Variants in DOK6 observed in about 807,000 individuals in gnomAD.
The protein encoded by DOK6 is downstream of tyrosine kinase 6.
DOK6 carries 22 observed loss-of-function variants against 44.0 expected under a neutral mutation model. That is an observed-to-expected ratio of 0.50 (90% CI 0.36 to 0.71). DOK6 has a LOEUF of 0.71. Among genes scored for constraint, DOK6 ranks in the 30% least tolerant of loss-of-function variants. The pLI is 0.00. For synonymous variants in DOK6, 166 were observed against 145.5 expected (o/e 1.14, Z -1.01); for missense variants, 340 against 416.4 (o/e 0.82, Z 1.60).
chr18:69,518,893 C>T (rs1545249), intron 1 of DOK6, among the ~76,000 whole-genome samples: 92,272 of 151,724 alleles, frequency 0.61, 28,856 homozygotes, highest in Non-Finnish European at 0.69. Context: ...AATCTTACCA[C>T]TGACAAACCT....
intron 3 of DOK6, among the ~76,000 whole-genome samples, chr18:69,625,352 T>G (rs1410136682): frequency 6.6e-6 from 1 of 152,182 alleles, no homozygotes; most frequent in African/African-American, 2.4e-5. Flanking sequence ...TATGGTTTGC[T>G]TAGGTTCTCT....
chr18:69,800,359 T>C (rs1015699135), intron 7 of DOK6, among the ~76,000 whole-genome samples: 3 of 152,148 alleles, frequency 2.0e-5, no homozygotes, highest in Non-Finnish European at 4.4e-5. Context: ...TGCGCTTATT[T>C]TGTTTCTTTT....
chr18:69,691,389 C>G (rs777213050), intron 4 of DOK6, among the ~76,000 whole-genome samples: 5 of 151,346 alleles, frequency 3.3e-5, no homozygotes, highest in Non-Finnish European at 5.9e-5. Context: ...TCACCCCTCT[C>G]AAGCCCCATG....
intron 4 of DOK6, among the ~76,000 whole-genome samples, chr18:69,696,068 TAGAGAC>T (rs1354016707): frequency 6.6e-6 from 1 of 152,164 alleles, no homozygotes; most frequent in African/African-American, 2.4e-5. Flanking sequence ...TACATAGCGA[TAGAGAC>T]AGAGACGGAG....
At chr18:69,670,495 A>C (rs2144679648) in intron 3 of DOK6, among the ~76,000 whole-genome samples, 1 of 146,406 alleles carries the variant, frequency 6.8e-6, no homozygotes, top group Admixed American at 7.3e-5. Context: ...AGAAACCTAA[A>C]AAACTTGTGC....
intron 1 of DOK6, among the ~76,000 whole-genome samples, chr18:69,547,533 T>A (rs1982440032): frequency 6.6e-6 from 1 of 151,432 alleles, no homozygotes; most frequent in South Asian, 2.1e-4. Context: ...AGGCCTCACC[T>A]CCAACAGTGC....
At chr18:69,779,689 CGTGT>C (rs58775349) in intron 7 of DOK6, among the ~76,000 whole-genome samples, 3,878 of 146,482 alleles carry the variant, frequency 0.026, 73 homozygotes, top group African/African-American at 0.054. Context: ...CTCTCTGCCC[CGTGT>C]GTGTGTGTGT....
At chr18:69,762,993 C>T (rs1979611055) in intron 7 of DOK6, among the ~76,000 whole-genome samples, 1 of 152,126 alleles carries the variant, frequency 6.6e-6, no homozygotes, top group East Asian at 1.9e-4. Context: ...TCTTTTTACC[C>T]TTTCCTGTGC....
At chr18:69,560,871 C>A (rs913424158) in intron 1 of DOK6, among the ~76,000 whole-genome samples, 1 of 152,138 alleles carries the variant, frequency 6.6e-6, no homozygotes, top group African/African-American at 2.4e-5. Flanking sequence ...AGCTGGAATT[C>A]CAAGTCCAAT....
chr18:69,585,016 T>C (rs1280021028), intron 2 of DOK6, among the ~76,000 whole-genome samples: 2 of 151,954 alleles, frequency 1.3e-5, no homozygotes, highest in African/African-American at 4.8e-5. Flanking sequence ...GTTTAGATTT[T>C]TTTTTCATTT....
chr18:69,675,374 C>T (rs1253142398), intron 3 of DOK6, among the ~76,000 whole-genome samples: 2 of 152,174 alleles, frequency 1.3e-5, no homozygotes, highest in African/African-American at 2.4e-5. Context: ...ACATATTTAA[C>T]GTTCTGATTT....
Position 69,480,805 on chromosome 18 carries a change from A to G in DOK6, c.66+79495A>G, listed in dbSNP as rs145337456. ...ATTATAGGCTGAGGGACAATAATCCATGTATGTGATATTGGTTAGGACAGG... is the reference window on the plus strand; with the variant it reads ...ATTATAGGCTGAGGGACAATAATCCGTGTATGTGATATTGGTTAGGACAGG... On this transcript the variant is annotated intron_variant, in intron 1 of 7. Transcript: ENST00000382713. Among the ~76,000 whole-genome samples the G allele has an allele frequency of 4.0e-3, 611 of 152,238 alleles. 2 individuals carry two copies. Among genetic ancestry groups the G allele is most frequent in the African/African-American group, 0.014 (583 of 41,554 alleles).
chr18:69,664,140 C>T (rs182852228), intron 3 of DOK6, among the ~76,000 whole-genome samples: 44 of 152,208 alleles, frequency 2.9e-4, no homozygotes, highest in Non-Finnish European at 2.2e-4. Context: ...ATTTCAGAAT[C>T]GAATATTTGA....
chr18:69,669,391 C>G (rs1985738889), intron 3 of DOK6, among the ~76,000 whole-genome samples: 1 of 152,186 alleles, frequency 6.6e-6, no homozygotes, highest in South Asian at 2.1e-4. Flanking sequence ...TAGTAGGATA[C>G]TAGCCTCCAG....
chr18:69,409,951 C>T (rs1038913242), intron 1 of DOK6, among the ~76,000 whole-genome samples: 21 of 152,118 alleles, frequency 1.4e-4, no homozygotes, highest in Non-Finnish European at 2.4e-4. Flanking sequence ...CTGTAGAAAG[C>T]ATCCATGTCA....
chr18:69,531,437 C>T lies in DOK6; in HGVS notation c.67-33050C>T, dbSNP rs568850205. 4.0e-4 allele frequency among the ~76,000 whole-genome samples: 61 copies of T among 151,196 alleles called. 2 individuals are homozygous for T. Among genetic ancestry groups the T allele is most frequent in the African/African-American group, 7.0e-4 (29 of 41,250 alleles). On this transcript the variant is annotated intron_variant, in intron 1 of 7. Transcript: ENST00000382713. The stretch of plus-strand genomic sequence containing the variant: ...AATAATTATAACTGTCTAGTCTTTA[C>T]GAAACAAAAATAAGTCCACTACCAA...
intron 3 of DOK6, among the ~76,000 whole-genome samples, chr18:69,673,230 G>GTATATATATATA (rs71176998): frequency 4.0e-5 from 6 of 150,266 alleles, no homozygotes; most frequent in South Asian, 2.1e-4. Context: ...TTTTCTGTGT[G>GTATATATATATA]TATATATATA....
chr18:69,661,587 T>C (rs201188551), intron 3 of DOK6: 71 of 152,302 alleles, frequency 4.7e-4, no homozygotes, highest in African/African-American at 1.6e-3. Context: ...TAGGAACAAT[T>C]TAAGGTTCCT....
chr18:69,494,249 G>A (rs1980818443), intron 1 of DOK6, among the ~76,000 whole-genome samples: 1 of 152,210 alleles, frequency 6.6e-6, no homozygotes, highest in Non-Finnish European at 1.5e-5. Context: ...GCCAAGGTGA[G>A]CAGATCATCT....
Sources: gnomAD v4.1 joint callset for allele counts (sites outside exome capture counted in the v4.1 genomes callset) on GRCh38, gnomAD v4.1.1 for gene constraint, MANE v1.5 for transcripts, NCBI Gene and HGNC (gene_info 2026-07-23, HGNC 2026-07-21) for gene names.